The following NTRK2 variants were observed in gnomAD, a reference collection of about 807,000 sequenced individuals.
NTRK2 encodes neurotrophic receptor tyrosine kinase 2.
In NTRK2, 13 loss-of-function variants were observed where a neutral mutation model predicts 94.5. The ratio of observed to expected loss-of-function variants is 0.14; its 90% CI spans 0.09 to 0.22. The LOEUF (loss-of-function observed/expected upper bound fraction) is 0.22. Ranked by LOEUF, NTRK2 falls within the 10% of genes least tolerant of loss-of-function variation. The pLI, the probability that NTRK2 is intolerant of heterozygous loss-of-function variation, is 1.00. For synonymous variants in NTRK2, 372 were observed against 407.4 expected, an observed-to-expected ratio of 0.91 and a Z score of 1.05; for missense variants, 639 against 1,071.2, an observed-to-expected ratio of 0.60 and a Z score of 5.63.
intron 16 of NTRK2, among the ~76,000 whole-genome samples, chr9:84,952,514 A>G (rs1337861440): frequency 6.6e-6 from 1 of 152,090 alleles, no homozygotes; most frequent in Non-Finnish European, 1.5e-5. Flanking sequence ...GATTTCTAAG[A>G]CTTCACGAGG....
intron 12 of NTRK2, among the ~76,000 whole-genome samples, chr9:84,843,255 T>A (rs1001656669): frequency 1.3e-5 from 2 of 152,210 alleles, no homozygotes; most frequent in Non-Finnish European, 2.9e-5. Context: ...GTAGTTATTA[T>A]GCCTGCAGGT....
At chr9:84,734,305 T>C (rs996208293) in intron 9 of NTRK2, among the ~76,000 whole-genome samples, 1 of 152,210 alleles carries the variant, frequency 6.6e-6, no homozygotes, top group South Asian at 2.1e-4. Context: ...ATTGAGAATA[T>C]GATAAAGGAG....
intron 2 of NTRK2, among the ~76,000 whole-genome samples, chr9:84,697,072 G>A (rs1326902858): frequency 2.6e-5 from 4 of 152,174 alleles, no homozygotes; most frequent in Non-Finnish European, 5.9e-5. Flanking sequence ...GGGACCCTGA[G>A]GGACTGACGA....
chr9:84,745,289 T>G lies in NTRK2; in HGVS notation c.1296+216T>G, dbSNP rs993015079. ...GCTGCTTTTGTGCACCACTTTTGGTTGTTAGTGGTTCCTATTTCAATTATC... is the reference window on the plus strand; with the variant it reads ...GCTGCTTTTGTGCACCACTTTTGGTGGTTAGTGGTTCCTATTTCAATTATC... On this transcript the variant is annotated intron_variant, in intron 11 of 18. Coordinates refer to ENST00000277120, the MANE Select transcript of NTRK2 (RefSeq NM_006180.6). 1.6e-4 allele frequency among the ~76,000 whole-genome samples: 24 copies of G among 152,306 alleles called. 1 individual carries two copies. The highest frequency in any genetic ancestry group is 1.6e-4 in the Non-Finnish European group (11 of 68,028).
chr9:84,905,877 A>C (rs1331846139), intron 14 of NTRK2, among the ~76,000 whole-genome samples: 1 of 152,214 alleles, frequency 6.6e-6, no homozygotes, highest in Non-Finnish European at 1.5e-5. Flanking sequence ...TGCTGATTGG[A>C]TGTATAATAT....
In NTRK2 at chr9:84,796,417, C is replaced by T. The variant is rs74597220; in HGVS notation, c.1396+44332C>T. Among the ~76,000 whole-genome samples the T allele has an allele frequency of 2.1e-3, 313 of 152,214 alleles. 2 individuals carry two copies. Among genetic ancestry groups the T allele is most frequent in the African/African-American group, 7.3e-3 (302 of 41,538 alleles). On this transcript the variant is annotated intron_variant, in intron 12 of 18. Coordinates refer to ENST00000277120, the MANE Select transcript of NTRK2 (RefSeq NM_006180.6). ...TATCTCAGTGGCCAGAGTTATGTCACGAGCCCACACTTAGTTTCAAGAGGT... is the reference window on the plus strand; with the variant it reads ...TATCTCAGTGGCCAGAGTTATGTCATGAGCCCACACTTAGTTTCAAGAGGT...
chr9:84,938,146 A>G (rs1473456277), intron 15 of NTRK2, among the ~76,000 whole-genome samples: 1 of 152,244 alleles, frequency 6.6e-6, no homozygotes, highest in African/African-American at 2.4e-5. Context: ...ACTTGGCAAG[A>G]TAAAAAATGG....
At position 85,022,359 on chromosome 9, in the gene NTRK2, C is replaced by T. The variant is rs954708204; in HGVS notation, c.*922C>T. 15 of 233,116 alleles carry T rather than the reference C, an allele frequency of 6.4e-5. No homozygotes were observed. The Admixed American group carries it at 8.4e-4, about 13-fold the overall frequency. 14.4% of individuals were successfully genotyped at this position (233,116 alleles called of 1,614,324 possible). ...CAAGATGGCGCATAGTGTGCTCGGA[C>T]ACAGTTTTGTCTTCGTAGGTTGTGA... On this transcript the variant is annotated 3_prime_UTR_variant, in exon 19 of 19. Coordinates refer to ENST00000277120, the MANE Select transcript of NTRK2 (RefSeq NM_006180.6).
chr9:84,759,390 C>T (rs544037404), intron 12 of NTRK2, among the ~76,000 whole-genome samples: 1 of 152,246 alleles, frequency 6.6e-6, no homozygotes, highest in Admixed American at 6.5e-5. Context: ...GCAAAAGAAT[C>T]GGCATCTCTG....
intron 17 of NTRK2, among the ~76,000 whole-genome samples, chr9:85,018,537 C>CAA (rs1177520248): frequency 6.6e-6 from 1 of 152,190 alleles, no homozygotes; most frequent in East Asian, 1.9e-4. Flanking sequence ...GCAAGTCCTC[C>CAA]AAAGCATCTG....
At chr9:84,976,769 A>G (rs1320102601) in intron 17 of NTRK2, among the ~76,000 whole-genome samples, 1 of 152,218 alleles carries the variant, frequency 6.6e-6, no homozygotes, top group Non-Finnish European at 1.5e-5. Flanking sequence ...TCTGTTAGCA[A>G]TCAGCAGGGT....
chr9:84,805,414 C>T (rs566308760), intron 12 of NTRK2, among the ~76,000 whole-genome samples: 2 of 152,176 alleles, frequency 1.3e-5, no homozygotes, highest in African/African-American at 4.8e-5. Flanking sequence ...AGCACCTTTT[C>T]CCCAGTAGAT....
intron 12 of NTRK2, chr9:84,813,012 G>C: frequency 9.7e-7 from 1 of 1,035,814 alleles, no homozygotes; most frequent in Non-Finnish European, 1.2e-6. Flanking sequence ...CTGTACTCTA[G>C]ACCACCCCTT....
rs2131792847 is a variant in NTRK2 at position 84,707,915 on chromosome 9, A to G, written c.428+3A>G. 2 of 1,611,312 alleles carry G rather than the reference A, an allele frequency of 1.2e-6. No individual in the cohort carries two copies. Among genetic ancestry groups the G allele is most frequent in the South Asian group, 2.2e-5 (2 of 90,914 alleles). On this transcript the variant is annotated splice_donor_region_variant and intron_variant, in intron 5 of 18. Transcript: ENST00000277120. The stretch of plus-strand genomic sequence containing the variant: ...CGTCACCTTGACTTGTCTGAACTGT[A>G]AGTAATGATTTTGTGTGGCATTTGG...
chr9:84,672,768 C>A (rs1368743640), intron 2 of NTRK2, among the ~76,000 whole-genome samples: 2 of 152,120 alleles, frequency 1.3e-5, no homozygotes, highest in African/African-American at 2.4e-5. Context: ...TTATTTCAGA[C>A]CTTCCTGATC....
At position 84,772,537 on chromosome 9, in the gene NTRK2, G is replaced by A. The variant is rs1170320047; in HGVS notation, c.1396+20452G>A. On this transcript the variant is annotated intron_variant, in intron 12 of 18. Coordinates refer to ENST00000277120, the MANE Select transcript of NTRK2 (RefSeq NM_006180.6). ...TGCTGATAAACATTTTACTGAGCAT[G>A]TACAATATGCCAGCCACAGGGAATC... Among the ~76,000 whole-genome samples the A allele has an allele frequency of 2.0e-5, 3 of 152,226 alleles. No homozygotes were observed. In the East Asian group the frequency reaches 5.8e-4, roughly 29 times the overall value.
intron 12 of NTRK2, among the ~76,000 whole-genome samples, chr9:84,858,144 C>T (rs914996928): frequency 1.3e-5 from 2 of 152,100 alleles, no homozygotes; most frequent in African/African-American, 4.8e-5. Flanking sequence ...CATCTCCTTT[C>T]TTTCACCTTC....
intron 14 of NTRK2, chr9:84,874,837 A>AT: frequency 1.9e-6 from 2 of 1,057,776 alleles, no homozygotes; most frequent in Non-Finnish European, 2.3e-6. Context: ...TGAAACTTTC[A>AT]TTTTTAAAAC....
intron 12 of NTRK2, among the ~76,000 whole-genome samples, chr9:84,858,272 C>T (rs186814041): frequency 3.3e-5 from 5 of 152,276 alleles, no homozygotes; most frequent in Admixed American, 3.3e-4. Flanking sequence ...TTTCACCCTG[C>T]AGCCAAAATG....
Sources: allele counts gnomAD v4.1 joint callset (sites outside exome capture counted in the v4.1 genomes callset), GRCh38; gene constraint gnomAD v4.1.1; transcripts MANE v1.5; gene names NCBI Gene and HGNC (gene_info 2026-07-23, HGNC 2026-07-21).